PVT1: variants seen among roughly 807,000 people sequenced by gnomAD.
The protein encoded by PVT1 is Pvt1 oncogene.
chr8:127,825,728 C>T (rs751375697), intron 2 of PVT1, among the ~76,000 whole-genome samples: 2 of 152,172 alleles, frequency 1.3e-5, no homozygotes, highest in African/African-American at 2.4e-5. Context: ...TTCCTAGCCG[C>T]GTCACTCAAC....
chr8:127,813,876 A>G (rs1370592843), intron 2 of PVT1, among the ~76,000 whole-genome samples: 2 of 152,192 alleles, frequency 1.3e-5, no homozygotes, highest in East Asian at 3.8e-4. Context: ...TCTGCCTTCC[A>G]GGTTCAAGCA....
intron 3 of PVT1, among the ~76,000 whole-genome samples, chr8:127,944,439 C>A (rs976386211): frequency 6.6e-6 from 1 of 152,144 alleles, no homozygotes; most frequent in Non-Finnish European, 1.5e-5. Flanking sequence ...CTTTCAGGTT[C>A]TTTGTCTGTA....
At chr8:127,899,182 G>A (rs934567978) in intron 3 of PVT1, among the ~76,000 whole-genome samples, 5 of 152,222 alleles carry the variant, frequency 3.3e-5, no homozygotes, top group Admixed American at 3.3e-4. Flanking sequence ...ATGCTCTGGG[G>A]AGGTTGTTGA....
At chr8:128,016,291 G>A (rs530009728) in intron 4 of PVT1, among the ~76,000 whole-genome samples, 8 of 151,554 alleles carry the variant, frequency 5.3e-5, no homozygotes, top group Non-Finnish European at 2.9e-5. Flanking sequence ...AAAAAAAAAG[G>A]GGGCGAGGAT....
intron 3 of PVT1, among the ~76,000 whole-genome samples, chr8:127,896,807 T>C (rs566634335): frequency 7.6e-6 from 1 of 130,846 alleles, no homozygotes; most frequent in African/African-American, 2.7e-5. Flanking sequence ...CAGGCCCCAA[T>C]GTGCTCAAGT....
chr8:127,858,178 G>A (rs760616121), intron 2 of PVT1, among the ~76,000 whole-genome samples: 2 of 152,120 alleles, frequency 1.3e-5, no homozygotes, highest in Non-Finnish European at 2.9e-5. Flanking sequence ...ATCATTTGAG[G>A]TCAGGAGTTT....
chr8:128,050,470 T>C (rs149681601), intron 4 of PVT1, among the ~76,000 whole-genome samples: 1 of 152,332 alleles, frequency 6.6e-6, no homozygotes, highest in East Asian at 1.9e-4. Context: ...GAGCCTCTTA[T>C]GTGGGGAATC....
intron 3 of PVT1, among the ~76,000 whole-genome samples, chr8:127,942,902 T>C (rs1816369744): frequency 6.6e-6 from 1 of 152,206 alleles, no homozygotes; most frequent in Non-Finnish European, 1.5e-5. Context: ...GTATAAACTG[T>C]CATTTTAACT....
At chr8:127,815,994 C>T (rs1377863622) in intron 2 of PVT1, among the ~76,000 whole-genome samples, 2 of 152,120 alleles carry the variant, frequency 1.3e-5, no homozygotes, top group East Asian at 3.9e-4. Flanking sequence ...CTTGGTGGCA[C>T]ATGCCTGTAG....
At chr8:127,874,120 T>C (rs1437834496) in intron 2 of PVT1, among the ~76,000 whole-genome samples, 1 of 152,224 alleles carries the variant, frequency 6.6e-6, no homozygotes, top group Non-Finnish European at 1.5e-5. Flanking sequence ...GAAAATACAG[T>C]CTGCATGCTT....
intron 4 of PVT1, chr8:127,999,325 A>C (rs939565165): frequency 6.6e-6 from 1 of 152,154 alleles, no homozygotes; most frequent in Admixed American, 6.6e-5. Flanking sequence ...TAAATACATA[A>C]ATAAATAAAT....
At chr8:128,039,296 T>C (rs1813504469) in intron 4 of PVT1, among the ~76,000 whole-genome samples, 1 of 152,224 alleles carries the variant, frequency 6.6e-6, no homozygotes, top group Non-Finnish European at 1.5e-5. Flanking sequence ...AGCTACCTAA[T>C]TCTTCTCTTT....
chr8:127,987,298 T>C (rs1368871903), intron 3 of PVT1, among the ~76,000 whole-genome samples: 7 of 152,206 alleles, frequency 4.6e-5, no homozygotes, highest in Non-Finnish European at 1.0e-4. Context: ...GAATCCACTC[T>C]TTTTCACAGA....
At chr8:128,049,381 T>C (rs1813658977) in intron 4 of PVT1, 1 of 340,652 alleles carries the variant, frequency 2.9e-6, no homozygotes, top group African/African-American at 2.2e-5. Flanking sequence ...GCAGAGCACT[T>C]GCCTGTGTGG....
In PVT1 at chr8:127,998,696, C is replaced by CTTCT. The variant is rs753563948; in HGVS notation, n.912+9421_912+9424dup. Reference sequence around the variant, plus strand: ...CCTTCCCTCCCTTCCTCTTTTCTTTCTTCTTTCTTTCTTTCTTTCCTTCCT... The same window carrying CTTCT: ...CCTTCCCTCCCTTCCTCTTTTCTTTCTTCTTTCTTTCTTTCTTTCTTTCCTTCCT... On this transcript the variant is annotated intron_variant and non_coding_transcript_variant, in intron 4 of 10. Coordinates refer to ENST00000651587, the Ensembl canonical transcript of PVT1. Among the ~76,000 whole-genome samples, 93 of 124,318 alleles carry CTTCT rather than the reference C, an allele frequency of 7.5e-4. 1 individual carries two copies. Among genetic ancestry groups the CTTCT allele is most frequent in the Non-Finnish European group, 1.1e-3 (64 of 60,746 alleles). 81.6% of individuals were successfully genotyped at this position (124,318 alleles called of 152,430 possible). A position where few individuals can be genotyped will look rare whatever the true frequency, so the allele number is the denominator to read the frequency against.
chr8:128,068,588 C>G (rs1453073827), intron 4 of PVT1, among the ~76,000 whole-genome samples: 1 of 152,130 alleles, frequency 6.6e-6, no homozygotes, highest in African/African-American at 2.4e-5. Context: ...TCTCCGACTT[C>G]CTGGTTCAAG....
At chr8:128,097,679 A>T (rs1471052745) in intron 6 of PVT1, among the ~76,000 whole-genome samples, 7 of 152,132 alleles carry the variant, frequency 4.6e-5, no homozygotes, top group Admixed American at 4.6e-4. Context: ...CCTTGTAAAC[A>T]TGGAGAAACT....
intron 2 of PVT1, among the ~76,000 whole-genome samples, chr8:127,839,263 CG>C (rs1053515041): frequency 6.6e-6 from 1 of 152,060 alleles, no homozygotes; most frequent in African/African-American, 2.4e-5. Context: ...TAATAAAAGG[CG>C]GGCTGGGTGC....
At chr8:127,986,836 A>G (rs1041170084) in intron 3 of PVT1, among the ~76,000 whole-genome samples, 1 of 152,204 alleles carries the variant, frequency 6.6e-6, no homozygotes, top group Admixed American at 6.5e-5. Flanking sequence ...TGTGTGGCTA[A>G]AAACATTAAT....
Sources: allele counts gnomAD v4.1 joint callset (sites outside exome capture counted in the v4.1 genomes callset), GRCh38; gene constraint gnomAD v4.1.1; transcripts MANE v1.5; gene names NCBI Gene and HGNC (gene_info 2026-07-23, HGNC 2026-07-21).